The following TMSB15A variants were observed in gnomAD, a reference collection of about 807,000 sequenced individuals.
TMSB15A encodes the protein thymosin beta 15A, also known as thymosin beta-15A.
Under a neutral mutation model 3.2 loss-of-function variants are expected in TMSB15A, and 1 was observed. That is an observed-to-expected ratio of 0.32 (90% CI 0.11 to 1.50). The LOEUF is 1.50. Among genes scored for constraint, TMSB15A ranks in the 40% most tolerant of loss-of-function variants. The pLI, the probability that TMSB15A is intolerant of heterozygous loss-of-function variation, is 0.39. For synonymous variants in TMSB15A, 10 were observed against 11.2 expected (o/e 0.90, Z 0.21); for missense variants, 22 against 27.8 (o/e 0.79, Z 0.47).
rs201378344 is a variant in TMSB15A, at chrX:102,514,077, G to A, written c.*10C>T. 7.3e-5 allele frequency: 88 copies of A among 1,208,956 alleles called. No individual in the cohort carries two copies. The highest frequency in any genetic ancestry group is 8.8e-5 in the Non-Finnish European group (79 of 894,429). On this transcript the variant is annotated 3_prime_UTR_variant, in exon 3 of 3. Transcript: ENST00000289373. ...ATGTCGAAATCTGCTGTTGGGAGGC[G>A]ATCCCCATTTTATGATGTTTGAACA...
At chrX:102,515,278 T>C (rs1047715862) in intron 1 of TMSB15A, 98 bp from the exon 2 acceptor site, 3 of 666,139 alleles carry the variant, frequency 4.5e-6, no homozygotes, top group Non-Finnish European at 6.7e-6. Flanking sequence ...TATCAATGTA[T>C]ATTCTACCCG....
chrX:102,514,138 C>T lies in TMSB15A; in HGVS notation c.101-14G>A. On this transcript the variant is annotated splice_polypyrimidine_tract_variant and intron_variant, in intron 2 of 2. Transcript: ENST00000289373. Reference sequence around the variant, plus strand: ...CTTGCTGGATAGCTGGGAAGACAAACACAAAAATCATTAACCGTATGTACC... The same window carrying T: ...CTTGCTGGATAGCTGGGAAGACAAATACAAAAATCATTAACCGTATGTACC... 4.1e-6 allele frequency: 5 copies of T among 1,210,735 alleles called. No individual in the cohort carries two copies. Among genetic ancestry groups the T allele is most frequent in the Non-Finnish European group, 4.5e-6 (4 of 894,595 alleles).
chrX:102,516,113 C>A (rs1166754314), intron 1 of TMSB15A, among the ~76,000 whole-genome samples: 2 of 111,187 alleles, frequency 1.8e-5, no homozygotes, highest in African/African-American at 6.6e-5. Context: ...TGCCTCCATT[C>A]CGTCGAGTTT....
chrX:102,515,647 C>CAAAA (rs1224225791), intron 1 of TMSB15A, among the ~76,000 whole-genome samples: 59 of 88,847 alleles, frequency 6.6e-4, no homozygotes, highest in African/African-American at 2.4e-3. Context: ...GGGAGCAGCA[C>CAAAA]AAAAAAAAAA....
Position 102,513,711 on chromosome X carries a change from C to T in TMSB15A, c.*376G>A. ...GATTATATTGGTTACTTTATTACTACATTAGAAATGCAAATAAACTGTGAA... is the reference window on the plus strand; with the variant it reads ...GATTATATTGGTTACTTTATTACTATATTAGAAATGCAAATAAACTGTGAA... On this transcript the variant is annotated 3_prime_UTR_variant, in exon 3 of 3. Transcript: ENST00000289373. 1 of 166,482 alleles carries T rather than the reference C, an allele frequency of 6.0e-6. No homozygotes were observed. 13.7% of individuals were successfully genotyped at this position (166,482 alleles called of 1,213,427 possible).
intron 2 of TMSB15A, 46 bp downstream of exon 2, chrX:102,515,018 T>C: frequency 8.5e-7 from 1 of 1,180,487 alleles, no homozygotes; most frequent in African/African-American, 1.8e-5. Flanking sequence ...CTGAACCTAT[T>C]AACTTTCTCT....
intron 2 of TMSB15A, 139 bp from the exon 3 acceptor site, chrX:102,514,263 C>T (rs1472558098): frequency 1.5e-6 from 1 of 646,106 alleles, no homozygotes; most frequent in Non-Finnish European, 2.5e-6. Context: ...AACCACAAAT[C>T]CTCACATTAG....
At position 102,514,010 on chromosome X, in the gene TMSB15A, TG is replaced by T; in HGVS notation, c.*76del. Reference sequence around the variant, plus strand: ...GACGCCTAAAATCTCTACAAACACATGGGTTTACAAAAAACAAGCCTAAAAT... The same window carrying T: ...GACGCCTAAAATCTCTACAAACACATGGTTTACAAAAAACAAGCCTAAAAT... On this transcript the variant is annotated 3_prime_UTR_variant, in exon 3 of 3. Coordinates refer to ENST00000289373, the MANE Select transcript of TMSB15A (RefSeq NM_021992.3). The T allele has an allele frequency of 9.0e-7, 1 of 1,113,291 alleles. No individual in the cohort carries two copies. Among genetic ancestry groups the T allele is most frequent in the Non-Finnish European group, 1.2e-6 (1 of 807,106 alleles). The allele number at this position is 1,113,291 out of a possible 1,213,427, so 91.7% of individuals were successfully genotyped here.
At chrX:102,514,285 G>A (rs782018999) in intron 2 of TMSB15A, among the ~76,000 whole-genome samples, 161 bp from the exon 3 acceptor site, 11 of 112,418 alleles carry the variant, frequency 9.8e-5, no homozygotes, top group Non-Finnish European at 1.9e-4. Context: ...GTGTGTGCAT[G>A]TATGTGTGTG....
intron 2 of TMSB15A, 107 bp from the exon 3 acceptor site, chrX:102,514,231 A>C: frequency 3.2e-6 from 3 of 923,631 alleles, no homozygotes; most frequent in East Asian, 3.1e-5. Context: ...TACATGCCTT[A>C]AATTTAGAAT....
intron 2 of TMSB15A, 51 bp downstream of exon 2, chrX:102,515,013 C>T (rs1569474702): frequency 1.7e-6 from 2 of 1,169,307 alleles, no homozygotes; most frequent in African/African-American, 3.5e-5. Context: ...ATTTACTGAA[C>T]CTATTAACTT....
At position 102,513,831 on chromosome X, in the gene TMSB15A, G is replaced by GA; in HGVS notation, c.*255dup. Reference sequence around the variant, plus strand: ...CAGGCTTATCCAGTATAGGATGCAAGAACTACATACACAAAGGTCATCAAT... The same window carrying GA: ...CAGGCTTATCCAGTATAGGATGCAAGAAACTACATACACAAAGGTCATCAAT... On this transcript the variant is annotated 3_prime_UTR_variant, in exon 3 of 3. Transcript: ENST00000289373. 1 of 393,197 alleles carries GA rather than the reference G, an allele frequency of 2.5e-6. No individual in the cohort carries two copies. Among genetic ancestry groups the GA allele is most frequent in the Non-Finnish European group, 4.5e-6 (1 of 222,987 alleles). The allele number at this position is 393,197 out of a possible 1,213,427, so 32.4% of individuals were successfully genotyped here.
Position 102,513,991 on chromosome X carries a change from T to C in TMSB15A, c.*96A>G, listed in dbSNP as rs1410310117. 2.9e-5 allele frequency: 30 copies of C among 1,042,275 alleles called. No individual in the cohort carries two copies. The highest frequency in any genetic ancestry group is 3.9e-5 in the Non-Finnish European group (29 of 745,600). The allele number at this position is 1,042,275 out of a possible 1,213,427, so 85.9% of individuals were successfully genotyped here. A position where few individuals can be genotyped will look rare whatever the true frequency, so the allele number is the denominator to read the frequency against. ...AGGTGAGAAGATATCCGAAGACGCC[T>C]AAAATCTCTACAAACACATGGGTTT... On this transcript the variant is annotated 3_prime_UTR_variant, in exon 3 of 3. Transcript: ENST00000289373.
Position 102,515,495 on chromosome X carries a change from C to A in TMSB15A, c.-17-315G>T, listed in dbSNP as rs1254788472. The stretch of plus-strand genomic sequence containing the variant: ...AAGGGTAAAATGGAGGTGATAGAAG[C>A]ACAAGAGCAGACAGGGACAGAATAA... On this transcript the variant is annotated intron_variant, in intron 1 of 2. Coordinates refer to ENST00000289373, the MANE Select transcript of TMSB15A (RefSeq NM_021992.3). Among the ~76,000 whole-genome samples, 3 of 111,503 alleles carry A rather than the reference C, an allele frequency of 2.7e-5. No homozygotes were observed. In the East Asian group the frequency reaches 8.5e-4, roughly 31 times the overall value.
In TMSB15A at chrX:102,515,166, T is replaced by G; in HGVS notation, c.-3A>C. The stretch of plus-strand genomic sequence containing the variant: ...GACAAGTCTGGCTTATCACTCATCT[T>G]GACTAGAAGATAGCCTGAAAAGAAT... On this transcript the variant is annotated 5_prime_UTR_variant, in exon 2 of 3. Coordinates refer to ENST00000289373, the MANE Select transcript of TMSB15A (RefSeq NM_021992.3). 3.3e-6 allele frequency: 4 copies of G among 1,209,626 alleles called. No individual in the cohort carries two copies. The highest frequency in any genetic ancestry group is 4.5e-6 in the Non-Finnish European group (4 of 894,408).
chrX:102,516,527 G>A (rs909043557), intron 1 of TMSB15A, 139 bp downstream of exon 1: 2 of 112,985 alleles, frequency 1.8e-5, no homozygotes, highest in Non-Finnish European at 3.8e-5. Flanking sequence ...TCGCTCGCCC[G>A]GGCGGCGGTG....
intron 2 of TMSB15A, 32 bp downstream of exon 2, chrX:102,515,032 G>A (rs782723804): frequency 8.4e-7 from 1 of 1,195,980 alleles, no homozygotes; most frequent in Non-Finnish European, 1.1e-6. Context: ...TTTCTCTACT[G>A]TGTGTTTCCA....
In TMSB15A at chrX:102,513,997, C is replaced by A; in HGVS notation, c.*90G>T. ...GAAGATATCCGAAGACGCCTAAAAT[C>A]TCTACAAACACATGGGTTTACAAAA... On this transcript the variant is annotated 3_prime_UTR_variant, in exon 3 of 3. Coordinates refer to ENST00000289373, the MANE Select transcript of TMSB15A (RefSeq NM_021992.3). 1 of 1,069,411 alleles carries A rather than the reference C, an allele frequency of 9.4e-7. No homozygotes were observed. Among genetic ancestry groups the A allele is most frequent in the Non-Finnish European group, 1.3e-6 (1 of 768,756 alleles). The allele number at this position is 1,069,411 out of a possible 1,213,427, so 88.1% of individuals were successfully genotyped here.
chrX:102,514,367 T>C (rs916081551), intron 2 of TMSB15A, among the ~76,000 whole-genome samples: 132 of 112,228 alleles, frequency 1.2e-3, no homozygotes, highest in African/African-American at 4.0e-3. Context: ...GATAGAGACA[T>C]GCTGTTGCCA....
Sources: gnomAD v4.1 joint callset for allele counts (sites outside exome capture counted in the v4.1 genomes callset) on GRCh38, gnomAD v4.1.1 for gene constraint, MANE v1.5 for transcripts, NCBI Gene and HGNC (gene_info 2026-07-23, HGNC 2026-07-21) for gene names.